CAP2: variants seen among roughly 807,000 people sequenced by gnomAD.
The protein encoded by CAP2 is cyclase associated actin cytoskeleton regulatory protein 2.
CAP2 carries 24 observed loss-of-function variants against 57.7 expected under a neutral mutation model. The observed-to-expected ratio is 0.42, with a 90% CI of 0.30 to 0.58. The LOEUF is 0.58. Ranked by LOEUF, CAP2 falls within the 20% of genes least tolerant of loss-of-function variation. CAP2 has a pLI of 0.22. For synonymous variants in CAP2, 194 were observed against 207.2 expected, an observed-to-expected ratio of 0.94 and a Z score of 0.55; for missense variants, 501 against 590.3, an observed-to-expected ratio of 0.85 and a Z score of 1.57.
intron 4 of CAP2, among the ~76,000 whole-genome samples, chr6:17,474,985 A>C (rs1260439630): frequency 6.6e-6 from 1 of 152,118 alleles, no homozygotes; most frequent in African/African-American, 2.4e-5. Context: ...TCACAAGGTC[A>C]GGAGTTTGAG....
chr6:17,507,368 G>A (rs1278626593), intron 5 of CAP2, 56 bp downstream of exon 5: 2 of 1,530,564 alleles, frequency 1.3e-6, no homozygotes, highest in Admixed American at 1.8e-5. Context: ...GAGTATTTAG[G>A]AGAACTAGTA....
In CAP2 at chr6:17,551,574, G is replaced by T. The variant is rs1328220992; in HGVS notation, c.1320G>T (p.Met440Ile). 10 of 1,611,800 alleles carry T rather than the reference G, an allele frequency of 6.2e-6. No individual in the cohort carries two copies. Among genetic ancestry groups the T allele is most frequent in the Non-Finnish European group, 8.5e-6 (10 of 1,178,588 alleles). The change falls in exon 12 of 13, where the codon ATG becomes ATT. Residue 440 changes from methionine (M) to isoleucine (I), a missense_variant. By Grantham distance (10) the Met-to-Ile change is conservative. Transcript: ENST00000229922. ...CEIVSAKSSE[M>I]NILIPQDGDY... ...TCGTGAGCGCCAAGTCATCTGAAAT[G>T]AACATACTTATCCCTCAGGATGGTG...
intron 7 of CAP2, among the ~76,000 whole-genome samples, chr6:17,520,635 A>G (rs1305032845): frequency 6.6e-6 from 1 of 152,180 alleles, no homozygotes; most frequent in Admixed American, 6.5e-5. Flanking sequence ...GTAAAGGCCA[A>G]ATGTCTGTTA....
intron 1 of CAP2, among the ~76,000 whole-genome samples, chr6:17,400,493 T>G (rs1034937426): frequency 6.6e-6 from 1 of 152,166 alleles, no homozygotes; most frequent in Non-Finnish European, 1.5e-5. Context: ...GCTGTAAACA[T>G]AAGTCACAAA....
chr6:17,495,346 C>A (rs1490074365), intron 4 of CAP2, among the ~76,000 whole-genome samples: 1 of 152,168 alleles, frequency 6.6e-6, no homozygotes, highest in African/African-American at 2.4e-5. Context: ...AACAAAATAA[C>A]TCTCTTTACC....
At chr6:17,531,351 C>T (rs1762634391) in intron 7 of CAP2, 12 of 1,517,182 alleles carry the variant, frequency 7.9e-6, no homozygotes, top group Non-Finnish European at 1.0e-5. Flanking sequence ...CCATTGATAC[C>T]TCTGATCCTG....
intron 12 of CAP2, among the ~76,000 whole-genome samples, chr6:17,551,924 C>T (rs927531582): frequency 4.6e-5 from 7 of 152,028 alleles, no homozygotes; most frequent in African/African-American, 7.2e-5. Context: ...TGGAGGTAAA[C>T]AGGAAAGAAG....
chr6:17,506,517 G>A (rs1042609722), intron 4 of CAP2, among the ~76,000 whole-genome samples: 7 of 152,018 alleles, frequency 4.6e-5, no homozygotes, highest in East Asian at 1.9e-4. Flanking sequence ...GCAGCCACCC[G>A]TTGTCCCAGC....
intron 1 of CAP2, among the ~76,000 whole-genome samples, chr6:17,401,678 A>G (rs191545015): frequency 3.3e-5 from 5 of 152,248 alleles, no homozygotes; most frequent in African/African-American, 1.2e-4. Flanking sequence ...GTGGCTAGAG[A>G]TTTTCAGGGT....
At chr6:17,445,397 A>G (rs1207136073) in intron 3 of CAP2, among the ~76,000 whole-genome samples, 2 of 152,334 alleles carry the variant, frequency 1.3e-5, no homozygotes, top group East Asian at 1.9e-4. Flanking sequence ...GTGAGCCACC[A>G]CGCCTGGCCT....
chr6:17,556,071 G>T (rs1357781795), intron 12 of CAP2, among the ~76,000 whole-genome samples: 1 of 152,194 alleles, frequency 6.6e-6, no homozygotes, highest in African/African-American at 2.4e-5. Context: ...TATTATAGGA[G>T]ATCTGCTGAG....
In CAP2 at chr6:17,555,719, A is replaced by T. The variant is rs373911198; in HGVS notation, c.1351-640A>T. Reference sequence around the variant, plus strand: ...GCTGAGACTACAGGCGCATGCCACCATTCCTGGCTAATTTTTTGTATTTTT... The same window carrying T: ...GCTGAGACTACAGGCGCATGCCACCTTTCCTGGCTAATTTTTTGTATTTTT... On this transcript the variant is annotated intron_variant, in intron 12 of 12. Transcript: ENST00000229922. Among the ~76,000 whole-genome samples the T allele has an allele frequency of 6.0e-5, 9 of 150,990 alleles. No individual in the cohort carries two copies. The East Asian group carries it at 9.9e-4, about 17-fold the overall frequency.
intron 4 of CAP2, among the ~76,000 whole-genome samples, chr6:17,469,634 C>T (rs1363785291): frequency 1.3e-5 from 2 of 152,118 alleles, no homozygotes; most frequent in Non-Finnish European, 2.9e-5. Flanking sequence ...ACTATCCTCC[C>T]TCTCGTTTTC....
At chr6:17,427,047 A>T (rs1759609927) in intron 3 of CAP2, among the ~76,000 whole-genome samples, 1 of 152,200 alleles carries the variant, frequency 6.6e-6, no homozygotes, top group South Asian at 2.1e-4. Context: ...CAGAGTCATG[A>T]TTTAGAGTGC....
rs10668941 is a variant in CAP2 at position 17,527,597 on chromosome 6, C to CTTTTTT, written c.637-11660_637-11655dup. Among the ~76,000 whole-genome samples, 122 of 131,196 alleles carry CTTTTTT rather than the reference C, an allele frequency of 9.3e-4. 3 individuals are homozygous for CTTTTTT. The highest frequency in any genetic ancestry group is 2.8e-3 in the African/African-American group (98 of 34,464). The allele number at this position is 131,196 out of a possible 152,430, so 86.1% of individuals were successfully genotyped here. A position where few individuals can be genotyped will look rare whatever the true frequency, so the allele number is the denominator to read the frequency against. Reference sequence around the variant, plus strand: ...ATTCTTTTTCATTTTTGTTCTCTTTCTTTTTTTTTTTTTTTTTGAGACAAA... The same window carrying CTTTTTT: ...ATTCTTTTTCATTTTTGTTCTCTTTCTTTTTTTTTTTTTTTTTTTTTTTGAGACAAA... On this transcript the variant is annotated intron_variant, in intron 7 of 12. Transcript: ENST00000229922.
chr6:17,441,787 A>G (rs191494694), intron 3 of CAP2, among the ~76,000 whole-genome samples: 25 of 152,334 alleles, frequency 1.6e-4, no homozygotes, highest in Admixed American at 1.5e-3. Flanking sequence ...GCCTGGCCTT[A>G]AAAATATACA....
chr6:17,429,836 G>A (rs749890772), intron 3 of CAP2, among the ~76,000 whole-genome samples: 3 of 152,146 alleles, frequency 2.0e-5, no homozygotes, highest in African/African-American at 4.8e-5. Context: ...TGCCCATGAC[G>A]TTAATACTTT....
chr6:17,423,011 A>C (rs1416654530), intron 2 of CAP2, among the ~76,000 whole-genome samples: 3 of 152,204 alleles, frequency 2.0e-5, no homozygotes, highest in African/African-American at 7.2e-5. Context: ...TTCAAATTGA[A>C]CCAGGCAATC....
intron 4 of CAP2, among the ~76,000 whole-genome samples, chr6:17,498,545 A>G (rs1427536562): frequency 1.3e-5 from 2 of 152,070 alleles, no homozygotes; most frequent in Non-Finnish European, 2.9e-5. Context: ...TCTTATTTAA[A>G]TAGTTCTATG....
Sources: allele counts gnomAD v4.1 joint callset (sites outside exome capture counted in the v4.1 genomes callset), GRCh38; gene constraint gnomAD v4.1.1; transcripts MANE v1.5; gene names NCBI Gene and HGNC (gene_info 2026-07-23, HGNC 2026-07-21).